Variants in FGF14 observed in about 807,000 individuals in gnomAD.
FGF14 encodes fibroblast growth factor homologous factor 4.
In FGF14, 5 loss-of-function variants were observed where a neutral mutation model predicts 25.5. The ratio of observed to expected loss-of-function variants is 0.20; its 90% CI spans 0.10 to 0.41. The LOEUF (loss-of-function observed/expected upper bound fraction) is 0.41. Among genes scored for constraint, FGF14 ranks in the 10% least tolerant of loss-of-function variants. FGF14 has a pLI of 1.00. For synonymous variants in FGF14, 138 were observed against 118.3 expected (o/e 1.17, Z -1.08); for missense variants, 222 against 320.1 (o/e 0.69, Z 2.34).
chr13:101,850,504 A>ATGC (rs1225995524), intron 3 of FGF14, among the ~76,000 whole-genome samples: 2 of 2,144 alleles, frequency 9.3e-4, no homozygotes, highest in African/African-American at 1.1e-3. Flanking sequence ...ATATATATAT[A>ATGC]TATATATATA....
intron 1 of FGF14, among the ~76,000 whole-genome samples, chr13:102,162,612 A>T (rs558627010): frequency 1.3e-5 from 2 of 152,208 alleles, no homozygotes; most frequent in Non-Finnish European, 2.9e-5. Flanking sequence ...AGACGTCCTG[A>T]TCTTAAAAAT....
upstream of FGF14, among the ~76,000 whole-genome samples, chr13:101,918,629 G>A (rs1375798245): frequency 1.3e-5 from 2 of 152,218 alleles, no homozygotes; most frequent in Admixed American, 6.5e-5. Context: ...GCAGATTACA[G>A]GGAGGCTGGG....
chr13:102,295,326 G>A (rs541283683), intron 1 of FGF14, among the ~76,000 whole-genome samples: 2 of 152,126 alleles, frequency 1.3e-5, no homozygotes, highest in Non-Finnish European at 2.9e-5. Context: ...GAACAGTAAA[G>A]ATCATCACTC....
At chr13:101,769,253 T>C (rs973821425) in intron 3 of FGF14, among the ~76,000 whole-genome samples, 1 of 152,048 alleles carries the variant, frequency 6.6e-6, no homozygotes. Flanking sequence ...AAACAACCAC[T>C]GCACGCCTAT....
rs1594008159 is a variant in FGF14 at position 101,714,323 on chromosome 13, T to C, written c.*8508A>G. On this transcript the variant is annotated 3_prime_UTR_variant, in exon 5 of 5. Transcript: ENST00000376143. ...AGAAACCAGCCATTCAATACACTTT[T>C]ACCTTTGGATGATGGGTTATTAGAA... 1.4e-6 allele frequency: 1 copy of C among 719,590 alleles called. No homozygotes were observed. The highest frequency in any genetic ancestry group is 2.5e-6 in the Non-Finnish European group (1 of 397,188). 44.6% of individuals were successfully genotyped at this position (719,590 alleles called of 1,614,324 possible).
chr13:102,147,214 G>T (rs570853402), intron 1 of FGF14, among the ~76,000 whole-genome samples: 4 of 152,322 alleles, frequency 2.6e-5, no homozygotes, highest in African/African-American at 9.6e-5. Flanking sequence ...GGGAAAGTGA[G>T]AATCAGACTG....
At chr13:102,030,376 T>A (rs2041151188) in intron 1 of FGF14, among the ~76,000 whole-genome samples, 1 of 151,954 alleles carries the variant, frequency 6.6e-6, no homozygotes, top group Non-Finnish European at 1.5e-5. Context: ...GGTCAGTTTG[T>A]GTAGATATGG....
intron 1 of FGF14, among the ~76,000 whole-genome samples, chr13:102,158,517 T>C (rs2047460137): frequency 7.0e-6 from 1 of 143,464 alleles, no homozygotes; most frequent in Non-Finnish European, 1.5e-5. Flanking sequence ...CTGGGGCCTG[T>C]TGTGGGGTGG....
chr13:102,032,879 G>T (rs2041279736), intron 1 of FGF14, among the ~76,000 whole-genome samples: 1 of 152,102 alleles, frequency 6.6e-6, no homozygotes, highest in Admixed American at 6.6e-5. Context: ...AAGCAACCAA[G>T]ATTTTATTCC....
At chr13:102,222,650 C>A (rs1453783187) in intron 1 of FGF14, among the ~76,000 whole-genome samples, 3 of 152,166 alleles carry the variant, frequency 2.0e-5, no homozygotes, top group Non-Finnish European at 4.4e-5. Flanking sequence ...GCTTGTTCTA[C>A]TACTTCTAGA....
intron 1 of FGF14, among the ~76,000 whole-genome samples, chr13:102,358,195 T>C (rs1263089127): frequency 6.6e-6 from 1 of 152,192 alleles, no homozygotes; most frequent in Non-Finnish European, 1.5e-5. Flanking sequence ...ATATTAACAG[T>C]TGAAATATGA....
chr13:102,100,480 T>C (rs1227825025), intron 1 of FGF14, among the ~76,000 whole-genome samples: 1 of 152,208 alleles, frequency 6.6e-6, no homozygotes, highest in East Asian at 1.9e-4. Flanking sequence ...CCGGACCGCT[T>C]GTCCAGCCAG....
At chr13:102,094,895 C>A (rs2044321369) in intron 1 of FGF14, among the ~76,000 whole-genome samples, 1 of 152,122 alleles carries the variant, frequency 6.6e-6, no homozygotes, top group African/African-American at 2.4e-5. Flanking sequence ...AGTCTACTCA[C>A]CCCCAAACAC....
At chr13:102,155,077 C>G (rs1414219044) in intron 1 of FGF14, among the ~76,000 whole-genome samples, 1 of 152,132 alleles carries the variant, frequency 6.6e-6, no homozygotes, top group Non-Finnish European at 1.5e-5. Context: ...GACTTTAACA[C>G]CCCACTGTCA....
rs1299196551 is a variant in FGF14, at chr13:101,831,479, A to G, written c.408+37246T>C. Among the ~76,000 whole-genome samples the G allele has an allele frequency of 3.9e-5, 6 of 151,958 alleles. No homozygotes were observed. The East Asian group carries it at 9.7e-4, about 25-fold the overall frequency. On this transcript the variant is annotated intron_variant, in intron 3 of 4. Transcript: ENST00000376143. ...TCATGAATATTTCCTGTTGTGGAAA[A>G]CCCAGGCACTAGCAGTAACTCTGGA...
intron 1 of FGF14, among the ~76,000 whole-genome samples, chr13:101,974,123 G>T (rs2037780976): frequency 6.6e-6 from 1 of 152,320 alleles, no homozygotes; most frequent in South Asian, 2.1e-4. Flanking sequence ...TCAGTCAAGA[G>T]AGAATAAGTC....
At chr13:102,396,348 G>A (rs2058584275) in intron 1 of FGF14, among the ~76,000 whole-genome samples, 1 of 152,172 alleles carries the variant, frequency 6.6e-6, no homozygotes, top group Admixed American at 6.5e-5. Flanking sequence ...CAGCCCAACT[G>A]TTTCCCCTTA....
chr13:101,898,246 T>G (rs1202318495), intron 1 of FGF14, among the ~76,000 whole-genome samples: 1 of 151,524 alleles, frequency 6.6e-6, no homozygotes, highest in African/African-American at 2.4e-5. Context: ...GTGCAAATAT[T>G]CAAAAATATT....
intron 3 of FGF14, among the ~76,000 whole-genome samples, chr13:101,732,350 A>G (rs1290340022): frequency 6.6e-6 from 1 of 152,240 alleles, no homozygotes; most frequent in Non-Finnish European, 1.5e-5. Flanking sequence ...AACATTTTTT[A>G]GAATACTAGG....
Sources: gnomAD v4.1 joint callset for allele counts (sites outside exome capture counted in the v4.1 genomes callset) on GRCh38, gnomAD v4.1.1 for gene constraint, MANE v1.5 for transcripts, NCBI Gene and HGNC (gene_info 2026-07-23, HGNC 2026-07-21) for gene names.